Variants in MMP27 observed in about 807,000 individuals in gnomAD.
MMP27 encodes the protein matrix metallopeptidase 27.
MMP27 carries 51 observed loss-of-function variants against 48.1 expected under a neutral mutation model. That is an observed-to-expected ratio of 1.06 (90% CI 0.85 to 1.34). MMP27 has a LOEUF of 1.34. Among genes scored for constraint, MMP27 ranks in the 40% most tolerant of loss-of-function variants. MMP27 has a pLI of 0.00. For missense variants in MMP27, 698 were observed against 619.3 expected (o/e 1.13, Z -1.35); for synonymous variants, 229 against 208.9 (o/e 1.10, Z -0.83).
intron 4 of MMP27, among the ~76,000 whole-genome samples, chr11:102,700,146 T>G (rs1860911686): frequency 1.3e-5 from 2 of 152,200 alleles, no homozygotes; most frequent in South Asian, 4.1e-4. Context: ...TATTTCATTT[T>G]TATGACAGAG....
intron 4 of MMP27, among the ~76,000 whole-genome samples, chr11:102,698,355 A>T (rs1436313807): frequency 6.6e-6 from 1 of 152,174 alleles, no homozygotes; most frequent in Non-Finnish European, 1.5e-5. Context: ...CATAGTCCAT[A>T]GTTGACCAAA....
At chr11:102,701,237 T>A (rs1389714623) in intron 4 of MMP27, among the ~76,000 whole-genome samples, 1 of 152,078 alleles carries the variant, frequency 6.6e-6, no homozygotes, top group African/African-American at 2.4e-5. Context: ...GGTTGAGGAC[T>A]GTATTTATCT....
rs1238628948 is a variant in MMP27, at chr11:102,691,734, G to C, written c.*32C>G. The C allele has an allele frequency of 1.3e-6, 2 of 1,493,432 alleles. No homozygotes were observed. Among genetic ancestry groups the C allele is most frequent in the Admixed American group, 4.2e-5 (2 of 47,312 alleles). The allele number at this position is 1,493,432 out of a possible 1,614,324, so 92.5% of individuals were successfully genotyped here. ...TTTTGAAGCAGAATTTATATTAAAA[G>C]ACCTGTTGAGGTTTATTTTAGGTCT... On this transcript the variant is annotated 3_prime_UTR_variant, in exon 10 of 10. Transcript: ENST00000260229.
chr11:102,702,737 A>G lies in MMP27; in HGVS notation c.619+16T>C. On this transcript the variant is annotated intron_variant, in intron 4 of 9. Transcript: ENST00000260229. ...TAGAATAATAAGATTTTGTTCATAA[A>G]GAAAATTAGACTCACCTGCTCCATC... The G allele has an allele frequency of 1.3e-6, 2 of 1,581,090 alleles. No individual in the cohort carries two copies. Among genetic ancestry groups the G allele is most frequent in the Non-Finnish European group, 1.7e-6 (2 of 1,169,764 alleles).
intron 7 of MMP27, 144 bp downstream of exon 7, chr11:102,694,823 T>C (rs1309331964): frequency 3.6e-6 from 3 of 828,996 alleles, no homozygotes; most frequent in Admixed American, 6.1e-5. Context: ...TGGTTATTTA[T>C]ATTCTTTACG....
chr11:102,700,399 A>G (rs545005157), intron 4 of MMP27, among the ~76,000 whole-genome samples: 1 of 152,348 alleles, frequency 6.6e-6, no homozygotes, highest in Non-Finnish European at 1.5e-5. Flanking sequence ...TATCATTATC[A>G]TCATCAATAC....
Position 102,704,588 on chromosome 11 carries a change from C to T in MMP27, c.290G>A (p.Gly97Asp). The change falls in exon 2 of 10, where the codon GGC becomes GAC. Residue 97 changes from glycine to aspartate, a missense_variant. Coordinates refer to ENST00000260229, the MANE Select transcript of MMP27 (RefSeq NM_022122.3). The stretch of plus-strand genomic sequence containing the variant: ...CCCAGGGAGGGTGTAGCCATACTGG[C>T]CCACATCAGGCACCCCACACCTGGG... ...KTPRCGVPDV[G>D]QYGYTLPGWR... 1 of 1,614,120 alleles carries T rather than the reference C, an allele frequency of 6.2e-7. No homozygotes were observed.
intron 7 of MMP27, 94 bp from the exon 8 acceptor site, chr11:102,694,159 T>A: frequency 4.7e-6 from 4 of 853,978 alleles, no homozygotes; most frequent in Non-Finnish European, 6.9e-6. Context: ...CCTTTTAGCT[T>A]CAGTGCTTAG....
At chr11:102,700,575 A>G (rs181718306) in intron 4 of MMP27, among the ~76,000 whole-genome samples, 127 of 152,374 alleles carry the variant, frequency 8.3e-4, no homozygotes, top group African/African-American at 3.0e-3. Flanking sequence ...GCAAAGAAAT[A>G]GAGAGTAAGA....
At position 102,699,907 on chromosome 11, in the gene MMP27, C is replaced by G. The variant is rs76138882; in HGVS notation, c.619+2846G>C. Among the ~76,000 whole-genome samples the G allele has an allele frequency of 6.6e-5, 10 of 152,200 alleles. 1 individual carries two copies. The highest frequency in any genetic ancestry group is 2.6e-4 in the Admixed American group (4 of 15,280). Reference sequence around the variant, plus strand: ...ACTCCTATTCACCCTCTTCACCCTACTTTGTCTTCTTAGTTCCTGCTGAGC... The same window carrying G: ...ACTCCTATTCACCCTCTTCACCCTAGTTTGTCTTCTTAGTTCCTGCTGAGC... On this transcript the variant is annotated intron_variant, in intron 4 of 9. Coordinates refer to ENST00000260229, the MANE Select transcript of MMP27 (RefSeq NM_022122.3).
chr11:102,705,555 G>T lies in MMP27; in HGVS notation c.102+58C>A, dbSNP rs749171394. On this transcript the variant is annotated intron_variant, in intron 1 of 9. Transcript: ENST00000260229. Reference sequence around the variant, plus strand: ...TGTGTTTTCTTTTTAGGTCCCAAGAGAATCAATAAAATAAGCTTTTTATCA... The same window carrying T: ...TGTGTTTTCTTTTTAGGTCCCAAGATAATCAATAAAATAAGCTTTTTATCA... 290 of 1,154,858 alleles carry T rather than the reference G, an allele frequency of 2.5e-4. 1 individual carries two copies. The highest frequency in any genetic ancestry group is 6.4e-4 in the Middle Eastern group (3 of 4,708). 71.5% of individuals were successfully genotyped at this position (1,154,858 alleles called of 1,614,324 possible).
In MMP27 at chr11:102,696,417, CA is replaced by C. The variant is rs1470019552; in HGVS notation, c.855del (p.Phe285LeufsTer11). The C allele has an allele frequency of 1.2e-5, 19 of 1,613,642 alleles. No homozygotes were observed. Among genetic ancestry groups the C allele is most frequent in the Non-Finnish European group, 1.5e-5 (18 of 1,179,878 alleles). ...TCTCTGCGGAAAGTTGTGATAGCGT[CA>C]AAAGTCAAGTCAGGGTCACAGGCAT... Reference protein sequence around the residue: ...IPHACDPDLTFDAITTFRREV... With the variant: ...IPHACDPDLTXDAITTFRREV... On this transcript the variant is annotated frameshift_variant, in exon 6 of 10. Transcript: ENST00000260229. LOFTEE classifies it high-confidence loss of function.
In MMP27 at chr11:102,703,004, C is replaced by A. The variant is rs1487833880; in HGVS notation, c.456G>T (p.Gly152=). 2 of 1,614,184 alleles carry A rather than the reference C, an allele frequency of 1.2e-6. No individual in the cohort carries two copies. The highest frequency in any genetic ancestry group is 2.2e-5 in the South Asian group (2 of 91,084). Reference sequence around the variant, plus strand: ...TAAAGGCAATCATGATGTCTGCAATCCCCTTTGAAATCTTGGTGAATTTTA... The same window carrying A: ...TAAAGGCAATCATGATGTCTGCAATACCCTTTGAAATCTTGGTGAATTTTA... ...TPLKFTKISK[G]IADIMIAFRT... The change falls in exon 3 of 10, where the codon GGG becomes GGT. Residue 152 remains glycine (G), a synonymous_variant. Coordinates refer to ENST00000260229, the MANE Select transcript of MMP27 (RefSeq NM_022122.3).
intron 4 of MMP27, among the ~76,000 whole-genome samples, chr11:102,698,933 A>G (rs1454245994): frequency 6.6e-6 from 1 of 152,192 alleles, no homozygotes; most frequent in Non-Finnish European, 1.5e-5. Context: ...TAAGGACTGC[A>G]TTGTTTGTTT....
chr11:102,699,596 G>A (rs1208971870), intron 4 of MMP27, among the ~76,000 whole-genome samples: 3 of 152,190 alleles, frequency 2.0e-5, no homozygotes, highest in Non-Finnish European at 4.4e-5. Flanking sequence ...TTTGCATGAA[G>A]CAAACGTAAA....
chr11:102,692,169 C>A (rs1442918407), intron 9 of MMP27, among the ~76,000 whole-genome samples, 159 bp from the exon 10 acceptor site: 1 of 152,068 alleles, frequency 6.6e-6, no homozygotes, highest in African/African-American at 2.4e-5. Flanking sequence ...TGTGGGAAAT[C>A]CTATTATTTT....
At chr11:102,701,804 G>T (rs924531975) in intron 4 of MMP27, among the ~76,000 whole-genome samples, 5 of 152,178 alleles carry the variant, frequency 3.3e-5, no homozygotes, top group African/African-American at 1.2e-4. Context: ...GCAGTGAGTG[G>T]CCATGGACCA....
intron 4 of MMP27, among the ~76,000 whole-genome samples, chr11:102,700,184 T>A (rs530868907): frequency 1.3e-4 from 20 of 152,336 alleles, no homozygotes; most frequent in African/African-American, 4.8e-4. Flanking sequence ...GTTCAATAAA[T>A]GATCATTGAG....
chr11:102,698,407 A>G (rs112388716), intron 4 of MMP27, among the ~76,000 whole-genome samples: 4 of 152,126 alleles, frequency 2.6e-5, no homozygotes, highest in African/African-American at 9.7e-5. Context: ...TACTAGTCAC[A>G]TCATGGAAAA....
Sources: allele counts gnomAD v4.1 joint callset (sites outside exome capture counted in the v4.1 genomes callset), GRCh38; gene constraint gnomAD v4.1.1; transcripts MANE v1.5; gene names NCBI Gene and HGNC (gene_info 2026-07-23, HGNC 2026-07-21).